AGMO: variants seen among roughly 807,000 people sequenced by gnomAD.
AGMO encodes alkylglycerol monooxygenase, also known as glyceryl-ether monooxygenase.
A neutral mutation model predicts 60.2 loss-of-function variants in AGMO; 75 were observed. The ratio of observed to expected loss-of-function variants is 1.25; its 90% CI spans 1.03 to 1.51. The LOEUF is 1.51. Ranked by LOEUF, AGMO falls within the 40% of genes most tolerant of loss-of-function variation. AGMO has a pLI of 0.00. For synonymous variants in AGMO, 261 were observed against 177.1 expected, an observed-to-expected ratio of 1.47 and a Z score of -3.76; for missense variants, 763 against 525.5, an observed-to-expected ratio of 1.45 and a Z score of -4.42.
intron 12 of AGMO, among the ~76,000 whole-genome samples, chr7:15,324,252 G>C (rs1433450599): frequency 3.3e-5 from 5 of 152,112 alleles, no homozygotes; most frequent in African/African-American, 9.7e-5. Context: ...CCATAGTTGA[G>C]ACAGAAAACT....
chr7:15,288,032 AT>A (rs60422426), intron 12 of AGMO, among the ~76,000 whole-genome samples: 3,530 of 147,652 alleles, frequency 0.024, 128 homozygotes, highest in African/African-American at 0.081. Flanking sequence ...ATTTTATTGA[AT>A]TTTTTTTTTT....
intron 12 of AGMO, among the ~76,000 whole-genome samples, chr7:15,284,437 A>G (rs891259291): frequency 5.3e-5 from 8 of 152,108 alleles, no homozygotes; most frequent in African/African-American, 1.9e-4. Flanking sequence ...AGACTACCAT[A>G]AACACTTTTA....
intron 3 of AGMO, among the ~76,000 whole-genome samples, chr7:15,485,592 T>C (rs1448517553): frequency 1.3e-5 from 2 of 152,164 alleles, no homozygotes; most frequent in Admixed American, 1.3e-4. Context: ...ACCCATTTCT[T>C]CAAGCATAAC....
At chr7:15,558,173 T>A (rs1367879560) in intron 2 of AGMO, among the ~76,000 whole-genome samples, 3 of 152,046 alleles carry the variant, frequency 2.0e-5, no homozygotes, top group Non-Finnish European at 4.4e-5. Context: ...TTCTGGTACT[T>A]ACAATGTTAT....
intron 3 of AGMO, among the ~76,000 whole-genome samples, chr7:15,505,265 A>G (rs1783482685): frequency 6.6e-6 from 1 of 151,970 alleles, no homozygotes; most frequent in Non-Finnish European, 1.5e-5. Flanking sequence ...TATTTACTTT[A>G]TGTTCTTCTC....
chr7:15,175,089 T>G, the AGMO span, among the ~76,000 whole-genome samples: 1 of 151,904 alleles, frequency 6.6e-6, no homozygotes, highest in Non-Finnish European at 1.5e-5. Context: ...GATTAAAAAC[T>G]TACCTAACTG....
At chr7:15,235,203 C>G (rs1782379660) in intron 12 of AGMO, among the ~76,000 whole-genome samples, 1 of 152,040 alleles carries the variant, frequency 6.6e-6, no homozygotes, top group Non-Finnish European at 1.5e-5. Flanking sequence ...CTCTCTTAAT[C>G]TATAATATAT....
Position 15,270,141 on chromosome 7 carries a change from C to G in AGMO, c.1264-68782G>C, listed in dbSNP as rs139909596. 6.8e-4 allele frequency among the ~76,000 whole-genome samples: 103 copies of G among 152,138 alleles called. No individual in the cohort carries two copies. In the East Asian group the frequency reaches 0.017, roughly 26 times the overall value. On this transcript the variant is annotated intron_variant, in intron 12 of 12. Transcript: ENST00000342526. ...ACTAGATACCCCCATGGTGGGATTG[C>G]TAGTTCAAATGGTAGTTCTATTTTT...
intron 12 of AGMO, among the ~76,000 whole-genome samples, chr7:15,315,830 A>T (rs1780906977): frequency 6.6e-6 from 1 of 152,164 alleles, no homozygotes; most frequent in Non-Finnish European, 1.5e-5. Context: ...CACAAAGAGA[A>T]AAAAACATTT....
intron 3 of AGMO, among the ~76,000 whole-genome samples, chr7:15,526,884 G>GT (rs763107914): frequency 6.6e-6 from 1 of 151,866 alleles, no homozygotes; most frequent in Non-Finnish European, 1.5e-5. Context: ...CATTATTATT[G>GT]TATCTGTAAT....
At chr7:15,500,524 G>C (rs555541938) in intron 3 of AGMO, among the ~76,000 whole-genome samples, 77 of 151,640 alleles carry the variant, frequency 5.1e-4, no homozygotes, top group Non-Finnish European at 8.3e-4. Flanking sequence ...TACATTTTTT[G>C]ATATCAAGCT....
At chr7:15,482,099 T>C (rs923393366) in intron 3 of AGMO, among the ~76,000 whole-genome samples, 24 of 149,350 alleles carry the variant, frequency 1.6e-4, no homozygotes, top group Admixed American at 1.5e-3. Flanking sequence ...GCTATCCATA[T>C]CCACATGAAA....
At chr7:15,252,834 A>G (rs905412574) in intron 12 of AGMO, among the ~76,000 whole-genome samples, 5 of 152,214 alleles carry the variant, frequency 3.3e-5, no homozygotes, top group African/African-American at 4.8e-5. Flanking sequence ...ACAGATACTG[A>G]AAAAGGGTGG....
At chr7:15,360,548 C>T (rs534349443) in intron 12 of AGMO, among the ~76,000 whole-genome samples, 1 of 152,056 alleles carries the variant, frequency 6.6e-6, no homozygotes, top group Non-Finnish European at 1.5e-5. Context: ...ATAAAGGTCT[C>T]TTTTTCTCAT....
At chr7:15,434,938 C>G (rs552776186) in intron 3 of AGMO, among the ~76,000 whole-genome samples, 1 of 127,156 alleles carries the variant, frequency 7.9e-6, no homozygotes, top group East Asian at 2.5e-4. Context: ...TTGAGTGTAT[C>G]CTATCAATAA....
At chr7:15,486,880 CA>C in intron 3 of AGMO, among the ~76,000 whole-genome samples, 1 of 152,038 alleles carries the variant, frequency 6.6e-6, no homozygotes, top group East Asian at 1.9e-4. Context: ...TTCACACATA[CA>C]AAAAAATATG....
chr7:15,273,337 T>C (rs1316662546), intron 12 of AGMO, among the ~76,000 whole-genome samples: 3 of 152,236 alleles, frequency 2.0e-5, no homozygotes, highest in Non-Finnish European at 4.4e-5. Flanking sequence ...GTTTCAGCTT[T>C]CTACATATGG....
intron 3 of AGMO, among the ~76,000 whole-genome samples, chr7:15,446,921 A>C (rs982867607): frequency 1.3e-5 from 2 of 152,164 alleles, no homozygotes; most frequent in African/African-American, 4.8e-5. Flanking sequence ...GCAGGATATC[A>C]CCTACTTTGT....
At chr7:15,410,833 T>C (rs1464470374) in intron 5 of AGMO, among the ~76,000 whole-genome samples, 1 of 151,978 alleles carries the variant, frequency 6.6e-6, no homozygotes, top group African/African-American at 2.4e-5. Context: ...GCAGAGTTCT[T>C]TACCTTCTTT....
Sources: gnomAD v4.1 joint callset for allele counts (sites outside exome capture counted in the v4.1 genomes callset) on GRCh38, gnomAD v4.1.1 for gene constraint, MANE v1.5 for transcripts, NCBI Gene and HGNC (gene_info 2026-07-23, HGNC 2026-07-21) for gene names.